The following ETS1 variants were observed in gnomAD, a reference collection of about 807,000 sequenced individuals.
ETS1 encodes ETS proto-oncogene 1, transcription factor.
Under a neutral mutation model 58.6 loss-of-function variants are expected in ETS1, and 15 were observed. The ratio of observed to expected loss-of-function variants is 0.26; its 90% CI spans 0.17 to 0.39. The LOEUF is 0.39. Among genes scored for constraint, ETS1 ranks in the 10% least tolerant of loss-of-function variants. ETS1 has a pLI of 1.00. For synonymous variants in ETS1, 214 were observed against 218.2 expected (o/e 0.98, Z 0.17); for missense variants, 417 against 610.5 (o/e 0.68, Z 3.34).
In ETS1 at chr11:128,500,883, A is replaced by G. The variant is rs550854567; in HGVS notation, c.215-10307T>C. Among the ~76,000 whole-genome samples, 7 of 152,316 alleles carry G rather than the reference A, an allele frequency of 4.6e-5. No individual in the cohort carries two copies. In the South Asian group the frequency reaches 1.5e-3, roughly 32 times the overall value. ...TGAAGAACGACCACCATACTTCCCC[A>G]GAAGTCTTCTCACTTAAGACATTTG... On this transcript the variant is annotated intron_variant, in intron 3 of 9. Coordinates refer to ENST00000392668, the MANE Select transcript of ETS1 (RefSeq NM_001143820.2).
intron 2 of ETS1, among the ~76,000 whole-genome samples, chr11:128,565,622 C>T (rs1864480635): frequency 6.6e-6 from 1 of 152,184 alleles, no homozygotes; most frequent in South Asian, 2.1e-4. Flanking sequence ...CTTACAGAAG[C>T]CCCACAGTCC....
intron 8 of ETS1, among the ~76,000 whole-genome samples, chr11:128,469,969 G>C (rs1033739172): frequency 2.0e-5 from 3 of 152,178 alleles, no homozygotes; most frequent in Admixed American, 1.3e-4. Flanking sequence ...TGTATCAGTG[G>C]CTAATAACTC....
intron 8 of ETS1, among the ~76,000 whole-genome samples, chr11:128,476,579 A>T (rs1862329182): frequency 6.6e-6 from 1 of 152,240 alleles, no homozygotes. Flanking sequence ...AGAGACTACT[A>T]TGTGACAACC....
chr11:128,568,948 C>A (rs1864564269), intron 2 of ETS1, among the ~76,000 whole-genome samples: 2 of 152,216 alleles, frequency 1.3e-5, no homozygotes, highest in South Asian at 4.1e-4. Flanking sequence ...TGTTAGATTT[C>A]CCTTTCTAAA....
At chr11:128,572,345 A>G (rs1864654681) in intron 2 of ETS1, 1 of 152,166 alleles carries the variant, frequency 6.6e-6, no homozygotes, top group South Asian at 2.1e-4. Context: ...AACATTTATG[A>G]TGGCTATCTT....
intron 3 of ETS1, among the ~76,000 whole-genome samples, chr11:128,546,662 T>A (rs1473326578): frequency 6.6e-6 from 1 of 152,180 alleles, no homozygotes; most frequent in Admixed American, 6.5e-5. Context: ...AAAAAAAATT[T>A]TTTTTTTGCT....
intron 3 of ETS1, among the ~76,000 whole-genome samples, chr11:128,501,186 C>T (rs763325694): frequency 9.9e-5 from 15 of 152,198 alleles, no homozygotes; most frequent in Non-Finnish European, 1.8e-4. Flanking sequence ...ACTCCCCTCG[C>T]TCCACCTAGA....
intron 3 of ETS1, among the ~76,000 whole-genome samples, chr11:128,503,979 G>A (rs1427042414): frequency 1.3e-5 from 2 of 152,102 alleles, no homozygotes; most frequent in Non-Finnish European, 2.9e-5. Flanking sequence ...CACATCTAAT[G>A]GAATTCAGGC....
chr11:128,576,900 C>T (rs1394256195), intron 1 of ETS1, among the ~76,000 whole-genome samples: 3 of 152,190 alleles, frequency 2.0e-5, no homozygotes, highest in Non-Finnish European at 4.4e-5. Flanking sequence ...TTATTGCAGC[C>T]TGGAATCCTT....
At chr11:128,577,101 C>T (rs1864766986) in intron 1 of ETS1, among the ~76,000 whole-genome samples, 1 of 152,092 alleles carries the variant, frequency 6.6e-6, no homozygotes, top group Non-Finnish European at 1.5e-5. Context: ...TTAAGACAGA[C>T]CATGGGGCAT....
chr11:128,478,360 GGA>G, intron 8 of ETS1, among the ~76,000 whole-genome samples: 2 of 19,448 alleles, frequency 1.0e-4, no homozygotes, highest in Admixed American at 1.1e-3. Flanking sequence ...GAGGAAGGAA[GGA>G]GGAAGGAAGG....
At chr11:128,509,846 G>C (rs1863345627) in intron 3 of ETS1, among the ~76,000 whole-genome samples, 1 of 152,130 alleles carries the variant, frequency 6.6e-6, no homozygotes, top group African/African-American at 2.4e-5. Context: ...CTTAATTCTG[G>C]ACTCAATTTC....
intron 2 of ETS1, among the ~76,000 whole-genome samples, chr11:128,561,744 T>C (rs1222981492): frequency 6.6e-6 from 1 of 152,114 alleles, no homozygotes; most frequent in Non-Finnish European, 1.5e-5. Context: ...GGGACGGACA[T>C]AAATAAGGAG....
chr11:128,552,646 T>C (rs7115781), intron 3 of ETS1, among the ~76,000 whole-genome samples: 91,484 of 152,158 alleles, frequency 0.6, 30,196 homozygotes, highest in African/African-American at 0.87. Context: ...TTTTCTGATA[T>C]GAACTATGAC....
intron 1 of ETS1, among the ~76,000 whole-genome samples, chr11:128,579,142 C>G (rs1184166815): frequency 6.6e-6 from 1 of 152,120 alleles, no homozygotes; most frequent in South Asian, 2.1e-4. Flanking sequence ...TAAAACATAT[C>G]CTGGGTATGA....
At chr11:128,499,918 G>A (rs1863042740) in intron 3 of ETS1, among the ~76,000 whole-genome samples, 1 of 152,230 alleles carries the variant, frequency 6.6e-6, no homozygotes, top group Non-Finnish European at 1.5e-5. Context: ...AAATGGAGTA[G>A]AGCCCGTTTA....
At chr11:128,512,609 C>T (rs1863421033) in intron 3 of ETS1, among the ~76,000 whole-genome samples, 1 of 152,266 alleles carries the variant, frequency 6.6e-6, no homozygotes, top group African/African-American at 2.4e-5. Flanking sequence ...TCTTGTCCGG[C>T]TCCAACTCTG....
At chr11:128,508,276 T>C (rs1166618841) in intron 3 of ETS1, among the ~76,000 whole-genome samples, 2 of 152,228 alleles carry the variant, frequency 1.3e-5, no homozygotes, top group African/African-American at 4.8e-5. Flanking sequence ...TGAGCTCCTG[T>C]GGCAATGAAA....
At chr11:128,559,701 A>G (rs984966012) in intron 2 of ETS1, among the ~76,000 whole-genome samples, 2 of 152,224 alleles carry the variant, frequency 1.3e-5, no homozygotes, top group African/African-American at 2.4e-5. Context: ...TAGACATTTC[A>G]TGAACTGACT....
Sources: allele counts gnomAD v4.1 joint callset (sites outside exome capture counted in the v4.1 genomes callset), GRCh38; gene constraint gnomAD v4.1.1; transcripts MANE v1.5; gene names NCBI Gene and HGNC (gene_info 2026-07-23, HGNC 2026-07-21).